Variants in PCDH11X observed in about 807,000 individuals in gnomAD.
The protein encoded by PCDH11X is protocadherin 11 X-linked, also known as protocadherin-11 X-linked.
In PCDH11X, 18 loss-of-function variants were observed where a neutral mutation model predicts 53.3. The ratio of observed to expected loss-of-function variants is 0.34; its 90% CI spans 0.23 to 0.50. The LOEUF (loss-of-function observed/expected upper bound fraction) is 0.50, where lower values mean the gene tolerates loss of function less well. PCDH11X is among the 20% of genes least tolerant of loss of function. The pLI, the probability that PCDH11X is intolerant of heterozygous loss-of-function variation, is 0.98. For missense variants in PCDH11X, 570 were observed against 1,032.4 expected, an observed-to-expected ratio of 0.55 and a Z score of 6.14; for synonymous variants, 279 against 393.3, an observed-to-expected ratio of 0.71 and a Z score of 3.44.
chrX:91,950,066 T>C (rs1288159458), intron 6 of PCDH11X, among the ~76,000 whole-genome samples: 1 of 111,031 alleles, frequency 9.0e-6, no homozygotes, highest in Non-Finnish European at 1.9e-5. Flanking sequence ...TTGTAGAATG[T>C]ATTTCAAGAC....
At chrX:92,026,494 A>G (rs1225788696) in intron 6 of PCDH11X, among the ~76,000 whole-genome samples, 1 of 110,863 alleles carries the variant, frequency 9.0e-6, no homozygotes, top group Non-Finnish European at 1.9e-5. Flanking sequence ...CATTTCCCAT[A>G]AGACTCAAGG....
At chrX:92,339,142 A>G (rs1054469736) in intron 8 of PCDH11X, among the ~76,000 whole-genome samples, 1 of 112,161 alleles carries the variant, frequency 8.9e-6, no homozygotes, top group Non-Finnish European at 1.9e-5. Flanking sequence ...GATTTTTGAC[A>G]AAGTGGACAA....
At chrX:92,213,573 T>C (rs891455548) in intron 7 of PCDH11X, among the ~76,000 whole-genome samples, 33 of 111,880 alleles carry the variant, frequency 2.9e-4, no homozygotes, top group African/African-American at 1.1e-3. Flanking sequence ...TCAGCAAACA[T>C]GTATCCCAGG....
At chrX:92,264,567 T>G (rs188785675) in intron 8 of PCDH11X, among the ~76,000 whole-genome samples, 7 of 111,609 alleles carry the variant, frequency 6.3e-5, no homozygotes, top group African/African-American at 1.9e-4. Context: ...AGAGAGAAGA[T>G]CTACAGATTT....
At chrX:92,257,259 C>T (rs1603236854) in intron 7 of PCDH11X, among the ~76,000 whole-genome samples, 1 of 111,145 alleles carries the variant, frequency 9.0e-6, no homozygotes, top group Non-Finnish European at 1.9e-5. Flanking sequence ...AGAACTCCAC[C>T]CCCATGATCC....
At chrX:92,579,907 A>C (rs1444849108) in intron 10 of PCDH11X, among the ~76,000 whole-genome samples, 1 of 110,647 alleles carries the variant, frequency 9.0e-6, no homozygotes, top group Non-Finnish European at 1.9e-5. Context: ...AGGCTGCTGA[A>C]CTTTGGATGG....
At chrX:92,200,038 TA>T (rs768741295) in intron 6 of PCDH11X, among the ~76,000 whole-genome samples, 2 of 111,867 alleles carry the variant, frequency 1.8e-5, no homozygotes, top group Non-Finnish European at 3.8e-5. Flanking sequence ...AAAAAAAAGT[TA>T]AATGTACCTT....
chrX:92,053,151 A>G (rs2063391058), intron 6 of PCDH11X, among the ~76,000 whole-genome samples: 2 of 111,300 alleles, frequency 1.8e-5, no homozygotes, highest in Admixed American at 1.9e-4. Context: ...ATTAGAAAAA[A>G]TTTTATTACA....
At chrX:91,921,902 G>C (rs1941754320) in intron 6 of PCDH11X, among the ~76,000 whole-genome samples, 1 of 110,688 alleles carries the variant, frequency 9.0e-6, no homozygotes, top group South Asian at 3.8e-4. Context: ...TTCCAAAGTG[G>C]CTATAGATTC....
chrX:91,816,276 G>A (rs1370861157), intron 4 of PCDH11X, among the ~76,000 whole-genome samples: 1 of 111,350 alleles, frequency 9.0e-6, no homozygotes, highest in African/African-American at 3.3e-5. Flanking sequence ...TGTTTATTCC[G>A]TTCAAATAGA....
chrX:92,435,928 A>G (rs1436340430), intron 9 of PCDH11X, among the ~76,000 whole-genome samples: 2 of 109,217 alleles, frequency 1.8e-5, no homozygotes, highest in Admixed American at 9.9e-5. Flanking sequence ...GACCAAACGC[A>G]CACATATCAA....
intron 8 of PCDH11X, among the ~76,000 whole-genome samples, chrX:92,328,082 G>T (rs187629958): frequency 0.019 from 2,033 of 109,860 alleles, 53 homozygotes; most frequent in African/African-American, 0.064. Flanking sequence ...ATGAAACAAT[G>T]GTTCTCAACA....
intron 6 of PCDH11X, among the ~76,000 whole-genome samples, chrX:91,881,973 T>C (rs985408840): frequency 7.1e-4 from 79 of 111,058 alleles, no homozygotes; most frequent in African/African-American, 2.4e-3. Flanking sequence ...TAAAATGTTC[T>C]AGTAGACTAT....
intron 8 of PCDH11X, among the ~76,000 whole-genome samples, chrX:92,346,071 G>T (rs2069888434): frequency 9.0e-6 from 1 of 110,541 alleles, no homozygotes; most frequent in South Asian, 3.8e-4. Context: ...CTTAAGTGAA[G>T]CAGCAAATAT....
chrX:92,311,633 A>G (rs2068952345), intron 8 of PCDH11X, among the ~76,000 whole-genome samples: 2 of 111,046 alleles, frequency 1.8e-5, no homozygotes, highest in Admixed American at 1.9e-4. Context: ...TTCTCAAAGA[A>G]TGAAATATAA....
intron 6 of PCDH11X, among the ~76,000 whole-genome samples, chrX:92,133,118 A>G (rs1344762167): frequency 9.0e-6 from 1 of 111,321 alleles, no homozygotes; most frequent in Non-Finnish European, 1.9e-5. Context: ...AGAGAATACA[A>G]TCACATCAAG....
chrX:91,782,827 G>A (rs1224172153), intron 1 of PCDH11X, among the ~76,000 whole-genome samples: 2 of 111,637 alleles, frequency 1.8e-5, no homozygotes, highest in African/African-American at 6.5e-5. Context: ...ATAGTCCTAA[G>A]GAGCAAGCCC....
intron 7 of PCDH11X, among the ~76,000 whole-genome samples, chrX:92,222,143 G>A (rs947694699): frequency 9.1e-4 from 33 of 36,369 alleles, no homozygotes; most frequent in African/African-American, 1.5e-3. Flanking sequence ...CTCTTCAATA[G>A]ATTTTTTTTT....
chrX:92,612,200 T>G (rs977975563), intron 10 of PCDH11X, among the ~76,000 whole-genome samples: 2 of 110,924 alleles, frequency 1.8e-5, no homozygotes, highest in African/African-American at 6.5e-5. Flanking sequence ...CTGGTACAAT[T>G]TGGCTCTGAA....
Sources: gnomAD v4.1 joint callset for allele counts (sites outside exome capture counted in the v4.1 genomes callset) on GRCh38, gnomAD v4.1.1 for gene constraint, MANE v1.5 for transcripts, NCBI Gene and HGNC (gene_info 2026-07-23, HGNC 2026-07-21) for gene names.